Variants in CRACD observed in about 807,000 individuals in gnomAD.
CRACD encodes capping protein-inhibiting regulator of actin dynamics.
CRACD carries 56 observed loss-of-function variants against 106.8 expected under a neutral mutation model. That is an observed-to-expected ratio of 0.52 (90% CI 0.42 to 0.66). The LOEUF (loss-of-function observed/expected upper bound fraction) is 0.66. Among genes scored for constraint, CRACD ranks in the 30% least tolerant of loss-of-function variants. CRACD has a pLI of 0.00. For missense variants in CRACD, 1,730 were observed against 1,623.2 expected, an observed-to-expected ratio of 1.07 and a Z score of -1.13; for synonymous variants, 754 against 670.8, an observed-to-expected ratio of 1.12 and a Z score of -1.92.
At chr4:56,249,947 C>G (rs1740949925) in intron 2 of CRACD, among the ~76,000 whole-genome samples, 1 of 152,184 alleles carries the variant, frequency 6.6e-6, no homozygotes, top group African/African-American at 2.4e-5. Flanking sequence ...ATTGTTTTCT[C>G]ACTACCCAGA....
At chr4:56,126,717 C>T (rs1357507235) in intron 1 of CRACD, among the ~76,000 whole-genome samples, 2 of 152,150 alleles carry the variant, frequency 1.3e-5, no homozygotes, top group Non-Finnish European at 2.9e-5. Context: ...TTTTTACATA[C>T]AATTTTATTG....
chr4:56,212,690 C>T (rs527510482), intron 2 of CRACD, among the ~76,000 whole-genome samples: 69 of 152,210 alleles, frequency 4.5e-4, no homozygotes, highest in African/African-American at 1.5e-3. Flanking sequence ...AATGATTTTT[C>T]CCTACCAAAG....
Position 56,330,291 on chromosome 4 carries a change from TG to T in CRACD, c.*2488del, listed in dbSNP as rs1746728647. Among the ~76,000 whole-genome samples, 3 of 152,134 alleles carry T rather than the reference TG, an allele frequency of 2.0e-5. No homozygotes were observed. On this transcript the variant is annotated 3_prime_UTR_variant, in exon 11 of 11. Transcript: ENST00000682029. ...TTATATATAAAACTAGAGGGTTTTT[TG>T]TTTACTTTTTTAATTTTTCAAGTGC... is the stretch of plus-strand genomic sequence containing the variant.
chr4:56,214,681 C>CTCTCTCTCTATATATA lies in CRACD; in HGVS notation c.-189+35252_-189+35253insCTCTCTCTATATATAT. ...TCTCTCTCTCTCTCTCTCTCTCTCT[C>CTCTCTCTCTATATATA]TATATATATATATATCAAACAGTTA... On this transcript the variant is annotated intron_variant, in intron 2 of 10. Transcript: ENST00000682029. Among the ~76,000 whole-genome samples the CTCTCTCTCTATATATA allele has an allele frequency of 5.4e-4, 44 of 80,996 alleles. 1 individual carries two copies. The highest frequency in any genetic ancestry group is 2.6e-3 in the East Asian group (7 of 2,732). 53.1% of individuals were successfully genotyped at this position (80,996 alleles called of 152,430 possible).
intron 1 of CRACD, among the ~76,000 whole-genome samples, chr4:56,128,214 C>G (rs1463039417): frequency 6.6e-6 from 1 of 152,100 alleles, no homozygotes; most frequent in African/African-American, 2.4e-5. Flanking sequence ...GTAACTGAAC[C>G]TGGGAATGAT....
In CRACD at chr4:56,314,109, G is replaced by A; in HGVS notation, c.607G>A (p.Asp203Asn). The change falls in exon 8 of 11, where the codon GAC becomes AAC. Residue 203 changes from aspartate to asparagine, a missense_variant. Transcript: ENST00000682029. The surrounding 1 kb of genome is among the most constrained non-coding windows in gnomAD (Gnocchi z 4.4). ...CLDQNGHPGE[D>N]KPTWHEEEPN... Reference sequence around the variant, plus strand: ...GGACCAGAACGGACACCCAGGCGAGGACAAGCCAACGTGGCACGAAGAGGA... The same window carrying A: ...GGACCAGAACGGACACCCAGGCGAGAACAAGCCAACGTGGCACGAAGAGGA... 1 of 1,614,206 alleles carries A rather than the reference G, an allele frequency of 6.2e-7. No homozygotes were observed. Among genetic ancestry groups the A allele is most frequent in the Non-Finnish European group, 8.5e-7 (1 of 1,180,044 alleles).
chr4:56,263,148 T>A (rs533671397), intron 2 of CRACD, among the ~76,000 whole-genome samples: 1 of 152,050 alleles, frequency 6.6e-6, no homozygotes, highest in Non-Finnish European at 1.5e-5. Flanking sequence ...GAAGAAGGAG[T>A]CATTCTTTCT....
chr4:56,293,559 C>T (rs887681008), intron 3 of CRACD, among the ~76,000 whole-genome samples: 5 of 152,202 alleles, frequency 3.3e-5, no homozygotes, highest in African/African-American at 1.2e-4. Context: ...ATCCTGCATG[C>T]TGTACAGGAA....
At position 56,327,470 on chromosome 4, in the gene CRACD, TTTAA is replaced by T. The variant is rs1366625655; in HGVS notation, c.3542-170_3542-167del. Among the ~76,000 whole-genome samples, 4 of 152,352 alleles carry T rather than the reference TTTAA, an allele frequency of 2.6e-5. No individual in the cohort carries two copies. In the South Asian group the frequency reaches 6.2e-4, roughly 24 times the overall value. Reference sequence around the variant, plus strand: ...ATGATAACTGTGAGGTTTTGTATATTTTAATTAGTTAGATTTAGCTATTTCACAA... The same window carrying T: ...ATGATAACTGTGAGGTTTTGTATATTTTAGTTAGATTTAGCTATTTCACAA... On this transcript the variant is annotated intron_variant, in intron 10 of 10. Transcript: ENST00000682029.
At chr4:56,292,435 T>TTCA (rs745877301) in intron 3 of CRACD, among the ~76,000 whole-genome samples, 3 of 152,196 alleles carry the variant, frequency 2.0e-5, no homozygotes, top group Non-Finnish European at 2.9e-5. Context: ...AGCTCAGTCT[T>TTCA]TGATTGGATT....
In CRACD at chr4:56,312,482, G is replaced by T. The variant is rs376650517; in HGVS notation, c.355-715G>T. Among the ~76,000 whole-genome samples the T allele has an allele frequency of 2.0e-5, 3 of 152,122 alleles. No individual in the cohort carries two copies. The South Asian group carries it at 6.2e-4, about 32-fold the overall frequency. On this transcript the variant is annotated intron_variant, in intron 6 of 10. Transcript: ENST00000682029. The stretch of plus-strand genomic sequence containing the variant: ...CCAGCCATACCAAAACATTTTTGTC[G>T]ATCAGGAATTTCGTGTTCCAGGTAT...
At chr4:56,075,419 G>A (rs1036607296) in intron 1 of CRACD, among the ~76,000 whole-genome samples, 3 of 151,976 alleles carry the variant, frequency 2.0e-5, no homozygotes, top group African/African-American at 7.3e-5. Flanking sequence ...GTCTTGGGAG[G>A]GTGTATGTGT....
chr4:56,080,718 T>C (rs1375353722), intron 1 of CRACD, among the ~76,000 whole-genome samples: 1 of 152,214 alleles, frequency 6.6e-6, no homozygotes, highest in Non-Finnish European at 1.5e-5. Context: ...TTCTAGAAGA[T>C]AGAATTACAA....
At chr4:56,325,928 G>A (rs1191985966) in intron 10 of CRACD, among the ~76,000 whole-genome samples, 1 of 152,086 alleles carries the variant, frequency 6.6e-6, no homozygotes, top group Non-Finnish European at 1.5e-5. Flanking sequence ...CATTTTGAGG[G>A]AGAGACAGAA....
chr4:56,081,744 G>A (rs1733038654), intron 1 of CRACD, among the ~76,000 whole-genome samples: 2 of 152,188 alleles, frequency 1.3e-5, no homozygotes, highest in South Asian at 2.1e-4. Flanking sequence ...GGGAGGCTGA[G>A]GCGGGTGGAT....
At chr4:56,161,023 A>G (rs1735932481) in intron 1 of CRACD, among the ~76,000 whole-genome samples, 1 of 152,252 alleles carries the variant, frequency 6.6e-6, no homozygotes, top group South Asian at 2.1e-4. Flanking sequence ...TAAGAAAACT[A>G]CAGAAATATT....
intron 2 of CRACD, among the ~76,000 whole-genome samples, chr4:56,236,861 A>G (rs1160538924): frequency 2.6e-5 from 4 of 152,214 alleles, no homozygotes; most frequent in Admixed American, 2.6e-4. Flanking sequence ...TTAAAAATGC[A>G]TAACTTCAGA....
chr4:56,324,912 GTCATGGATATCCAAC>G (rs11268723), intron 10 of CRACD, among the ~76,000 whole-genome samples: 73,490 of 151,558 alleles, frequency 0.48, 18,690 homozygotes, highest in Admixed American at 0.61. Context: ...AATGTTTGAG[GTCATGGATATCCAAC>G]TTACCCTGAT....
Position 56,314,381 on chromosome 4 carries a change from G to C in CRACD, c.879G>C (p.Arg293=). 6.7e-7 allele frequency: 1 copy of C among 1,492,166 alleles called. No individual in the cohort carries two copies. The highest frequency in any genetic ancestry group is 9.0e-7 in the Non-Finnish European group (1 of 1,107,796). The allele number at this position is 1,492,166 out of a possible 1,614,324, so 92.4% of individuals were successfully genotyped here. A position where few individuals can be genotyped will look rare whatever the true frequency, so the allele number is the denominator to read the frequency against. The change falls in exon 8 of 11, where the codon CGG becomes CGC. Residue 293 remains arginine, a synonymous_variant. Coordinates refer to ENST00000682029, the MANE Select transcript of CRACD (RefSeq NM_001393381.1). The surrounding 1 kb of genome is among the most constrained non-coding windows in gnomAD (Gnocchi z 4.4). ...GGGCGCCGCGGGAAGAGCAGCAGCG[G>C]AGCCTGGAAGCGCCAGGTTGGGAGG... ...AERAPREEQQ[R]SLEAPGWEDA...
Sources: gnomAD v4.1 joint callset for allele counts (sites outside exome capture counted in the v4.1 genomes callset) on GRCh38, gnomAD v4.1.1 for gene constraint, Gnocchi (gnomAD v3.1) non-coding constraint, MANE v1.5 for transcripts, NCBI Gene and HGNC (gene_info 2026-07-23, HGNC 2026-07-21) for gene names.